The following FOXO3 variants were observed in gnomAD, a reference collection of about 807,000 sequenced individuals.
The protein encoded by FOXO3 is forkhead box protein O3.
FOXO3 carries 4 observed loss-of-function variants against 41.9 expected under a neutral mutation model. That is an observed-to-expected ratio of 0.10 (90% confidence interval 0.05 to 0.22). The LOEUF is 0.22. Among genes scored for constraint, FOXO3 ranks in the 10% least tolerant of loss-of-function variants. The pLI, the probability that FOXO3 is intolerant of heterozygous loss-of-function variation, is 1.00. For synonymous variants in FOXO3, 318 were observed against 389.3 expected, an observed-to-expected ratio of 0.82 and a Z score of 2.16; for missense variants, 534 against 906.8, an observed-to-expected ratio of 0.59 and a Z score of 5.28.
At chr6:108,673,767 T>C (rs1770459755) in intron 2 of FOXO3, among the ~76,000 whole-genome samples, 1 of 151,944 alleles carries the variant, frequency 6.6e-6, no homozygotes, top group Non-Finnish European at 1.5e-5. Flanking sequence ...GCCCCCCACA[T>C]ACACACACCC....
At chr6:108,567,559 A>G (rs1300919019) in intron 1 of FOXO3, among the ~76,000 whole-genome samples, 2 of 152,186 alleles carry the variant, frequency 1.3e-5, no homozygotes, top group African/African-American at 4.8e-5. Flanking sequence ...GGTGAGAAAC[A>G]TGCTAGGACT....
At chr6:108,636,311 G>A (rs1182653949) in intron 1 of FOXO3, among the ~76,000 whole-genome samples, 1 of 152,212 alleles carries the variant, frequency 6.6e-6, no homozygotes, top group Non-Finnish European at 1.5e-5. Flanking sequence ...AGAGAATACA[G>A]ATGTCAGATG....
At chr6:108,576,879 A>AT (rs1213670012) in intron 1 of FOXO3, among the ~76,000 whole-genome samples, 1 of 151,646 alleles carries the variant, frequency 6.6e-6, no homozygotes, top group Non-Finnish European at 1.5e-5. Flanking sequence ...GCTTTCAAAA[A>AT]TTTTTTTTTC....
rs756842922 is a variant in FOXO3 at position 108,561,636 on chromosome 6, G to A, written c.428G>A (p.Gly143Asp). Residue 143 changes from glycine (G) to aspartate (D), a missense_variant, in exon 1 of 3, where the codon GGC becomes GAC. By Grantham distance (94) the Gly-to-Asp change is moderately conservative. Coordinates refer to ENST00000406360, the MANE Select transcript of FOXO3 (RefSeq NM_001455.4). Reference sequence around the variant, plus strand: ...CCGCCGCAGCCGGGGGCGGCTGGGGGCTCCGGGCAGCCGAGGAAATGTTCG... The same window carrying A: ...CCGCCGCAGCCGGGGGCGGCTGGGGACTCCGGGCAGCCGAGGAAATGTTCG... ...LPPPQPGAAG[G>D]SGQPRKCSSR... 1 of 1,569,408 alleles carries A rather than the reference G, an allele frequency of 6.4e-7. No homozygotes were observed. The highest frequency in any genetic ancestry group is 2.4e-5 in the East Asian group (1 of 41,894).
At chr6:108,584,061 C>T (rs1020884573) in intron 1 of FOXO3, among the ~76,000 whole-genome samples, 1 of 152,070 alleles carries the variant, frequency 6.6e-6, no homozygotes, top group African/African-American at 2.4e-5. Flanking sequence ...CATATGGGGG[C>T]GTGCTTCATA....
At chr6:108,570,295 G>A (rs982926618) in intron 1 of FOXO3, among the ~76,000 whole-genome samples, 14 of 151,620 alleles carry the variant, frequency 9.2e-5, no homozygotes, top group Non-Finnish European at 1.6e-4. Flanking sequence ...CATTGCACCC[G>A]GCTCCCTTGT....
At chr6:108,601,855 T>A (rs1030628761) in intron 1 of FOXO3, among the ~76,000 whole-genome samples, 1 of 152,250 alleles carries the variant, frequency 6.6e-6, no homozygotes. Flanking sequence ...TGTTCCACTG[T>A]ATGGCTAGGT....
intron 2 of FOXO3, among the ~76,000 whole-genome samples, chr6:108,670,593 C>T (rs1430760040): frequency 1.3e-5 from 2 of 152,050 alleles, no homozygotes; most frequent in African/African-American, 4.8e-5. Context: ...GGTTAATACA[C>T]ATTATGAACT....
At chr6:108,622,883 G>A (rs1476691287) in intron 1 of FOXO3, among the ~76,000 whole-genome samples, 2 of 150,736 alleles carry the variant, frequency 1.3e-5, no homozygotes, top group East Asian at 3.9e-4. Context: ...TTCAGGCATT[G>A]CTTCAGAAAC....
rs546439238 is a variant in FOXO3, at chr6:108,603,935, A to C, written c.621+42106A>C. 3.9e-5 allele frequency among the ~76,000 whole-genome samples: 6 copies of C among 152,294 alleles called. No individual in the cohort carries two copies. In the East Asian group the frequency reaches 1.2e-3, roughly 29 times the overall value. On this transcript the variant is annotated intron_variant, in intron 1 of 2. Transcript: ENST00000406360. ...GAAGTATTTTTGTAATGATCTTGGA[A>C]ATATCTATAGGTCCAGGAATTCCTA...
At chr6:108,678,852 AC>A (rs1770723604) in intron 2 of FOXO3, among the ~76,000 whole-genome samples, 1 of 120,542 alleles carries the variant, frequency 8.3e-6, no homozygotes, top group Non-Finnish European at 1.8e-5. Flanking sequence ...ACATAGCAAG[AC>A]CCCATTTCTT....
intron 1 of FOXO3, among the ~76,000 whole-genome samples, chr6:108,641,974 T>G (rs1778270343): frequency 6.6e-6 from 1 of 152,194 alleles, no homozygotes; most frequent in South Asian, 2.1e-4. Flanking sequence ...GCATAGAATT[T>G]AGAAGAATGC....
At chr6:108,617,669 A>G (rs572561161) in intron 1 of FOXO3, among the ~76,000 whole-genome samples, 1 of 152,232 alleles carries the variant, frequency 6.6e-6, no homozygotes, top group Non-Finnish European at 1.5e-5. Context: ...AGAGCAAAAT[A>G]ACTTACTGGA....
At chr6:108,601,234 G>A (rs1469421189) in intron 1 of FOXO3, among the ~76,000 whole-genome samples, 2 of 151,268 alleles carry the variant, frequency 1.3e-5, no homozygotes, top group Non-Finnish European at 2.9e-5. Flanking sequence ...GGATGGTCTC[G>A]ATCTCCTGAC....
intron 1 of FOXO3, among the ~76,000 whole-genome samples, chr6:108,607,263 G>A (rs1777231469): frequency 6.6e-6 from 1 of 151,968 alleles, no homozygotes; most frequent in Admixed American, 6.6e-5. Context: ...ACCAGCCTGG[G>A]CAACATGGCA....
intron 2 of FOXO3, among the ~76,000 whole-genome samples, chr6:108,669,569 C>T (rs1779155745): frequency 6.6e-6 from 1 of 152,124 alleles, no homozygotes; most frequent in Admixed American, 6.5e-5. Context: ...TCTGCATCTT[C>T]AGGGATCTTT....
intron 1 of FOXO3, among the ~76,000 whole-genome samples, chr6:108,653,254 C>T (rs560942921): frequency 2.3e-4 from 35 of 152,322 alleles, no homozygotes; most frequent in African/African-American, 8.4e-4. Context: ...CTGCCCCCTT[C>T]CCATTAATTC....
intron 1 of FOXO3, among the ~76,000 whole-genome samples, chr6:108,563,150 C>T (rs1203084821): frequency 1.3e-5 from 2 of 152,094 alleles, no homozygotes; most frequent in South Asian, 2.1e-4. Context: ...GCACTGGAGA[C>T]GAGCCTGTAG....
At chr6:108,610,195 G>A (rs1777320502) in intron 1 of FOXO3, among the ~76,000 whole-genome samples, 1 of 152,056 alleles carries the variant, frequency 6.6e-6, no homozygotes, top group South Asian at 2.1e-4. Context: ...TTTCCTCACT[G>A]GAGAGCCCTT....
Sources: allele counts gnomAD v4.1 joint callset (sites outside exome capture counted in the v4.1 genomes callset), GRCh38; gene constraint gnomAD v4.1.1; transcripts MANE v1.5; gene names NCBI Gene and HGNC (gene_info 2026-07-23, HGNC 2026-07-21).